The following MIA2 variants were observed in gnomAD, a reference collection of about 807,000 sequenced individuals.
MIA2 encodes the protein melanoma inhibitory activity protein 2.
MIA2 carries 127 observed loss-of-function variants against 167.8 expected under a neutral mutation model. That is an observed-to-expected ratio of 0.76 (90% CI 0.66 to 0.88). The LOEUF (loss-of-function observed/expected upper bound fraction) is 0.88. Ranked by LOEUF, MIA2 falls within the 40% of genes least tolerant of loss-of-function variation. The pLI, the probability that MIA2 is intolerant of heterozygous loss-of-function variation, is 0.00. For synonymous variants in MIA2, 552 were observed against 541.9 expected (o/e 1.02, Z -0.26); for missense variants, 1,690 against 1,624.7 (o/e 1.04, Z -0.69).
At chr14:39,384,972 T>G (rs1446450814) in intron 23 of MIA2, among the ~76,000 whole-genome samples, 1 of 152,216 alleles carries the variant, frequency 6.6e-6, no homozygotes, top group Non-Finnish European at 1.5e-5. Flanking sequence ...ATGCTCCATT[T>G]AATGGAACAA....
intron 6 of MIA2, among the ~76,000 whole-genome samples, chr14:39,269,485 G>A (rs2056733167): frequency 6.6e-6 from 1 of 151,130 alleles, no homozygotes; most frequent in South Asian, 2.1e-4. Flanking sequence ...GCTTATCCAT[G>A]TTGTAGCATG....
intron 24 of MIA2, among the ~76,000 whole-genome samples, chr14:39,323,225 C>G (rs777838752): frequency 6.6e-6 from 1 of 152,046 alleles, no homozygotes; most frequent in Non-Finnish European, 1.5e-5. Context: ...TAGAACTGTT[C>G]CTGTCCACCT....
Position 39,385,556 on chromosome 14 carries a change from C to T in MIA2, c.2249-1329C>T, listed in dbSNP as rs183899126. The T allele has an allele frequency of 9.2e-4, 754 of 822,254 alleles. 2 individuals are homozygous for T. In the Middle Eastern group the frequency reaches 9.5e-3, roughly 10 times the overall value. 50.9% of individuals were successfully genotyped at this position (822,254 alleles called of 1,614,324 possible). A position where few individuals can be genotyped will look rare whatever the true frequency, so the allele number is the denominator to read the frequency against. ...TTGTGATAAACCAAATCAAATTTCC[C>T]AGGTTCTCTCAAGGCGGGTAAGGAT... On this transcript the variant is annotated intron_variant, in intron 23 of 23. Transcript: ENST00000341502.
At chr14:39,314,634 A>ATTT in intron 19 of MIA2, 105 bp from the exon 20 acceptor site, 3 of 269,060 alleles carry the variant, frequency 1.1e-5, no homozygotes, top group Non-Finnish European at 1.3e-5. Flanking sequence ...TTTTTTCATG[A>ATTT]AGTAGAGCAT....
chr14:39,334,401 G>C (rs995164983), intron 25 of MIA2, among the ~76,000 whole-genome samples: 2 of 150,786 alleles, frequency 1.3e-5, no homozygotes, highest in African/African-American at 4.9e-5. Context: ...CTTGAACCTG[G>C]GAGACAGAGG....
chr14:39,283,847 A>G (rs750358995), intron 9 of MIA2, among the ~76,000 whole-genome samples: 33 of 152,166 alleles, frequency 2.2e-4, no homozygotes, highest in Non-Finnish European at 3.2e-4. Context: ...TTTTTAAATC[A>G]GGTTGTATGT....
intron 9 of MIA2, among the ~76,000 whole-genome samples, chr14:39,285,163 C>T (rs963625077): frequency 1.6e-4 from 25 of 152,220 alleles, no homozygotes; most frequent in Non-Finnish European, 2.9e-4. Flanking sequence ...TCTACACATA[C>T]ACAGCAACAA....
chr14:39,336,057 C>A (rs114085176), intron 25 of MIA2, among the ~76,000 whole-genome samples: 1 of 152,086 alleles, frequency 6.6e-6, no homozygotes, highest in Admixed American at 6.6e-5. Context: ...AATAGTGTTA[C>A]GATAAACATG....
intron 3 of MIA2, 24 bp downstream of exon 3, chr14:39,240,671 T>G (rs776829441): frequency 5.2e-6 from 8 of 1,540,306 alleles, no homozygotes; most frequent in Non-Finnish European, 5.4e-6. Context: ...TTCTCAGTTG[T>G]TAATTGAATT....
chr14:39,269,018 T>C, intron 6 of MIA2: 3 of 982,242 alleles, frequency 3.1e-6, no homozygotes, highest in Non-Finnish European at 3.6e-6. Flanking sequence ...CATGGAGAAA[T>C]GCAGCCAGAT....
intron 25 of MIA2, among the ~76,000 whole-genome samples, chr14:39,328,483 G>A (rs2068050471): frequency 6.6e-6 from 1 of 152,148 alleles, no homozygotes; most frequent in Admixed American, 6.5e-5. Flanking sequence ...TATCTCATGT[G>A]TCAATTTTGG....
At chr14:39,347,145 G>C (rs893962041) in intron 26 of MIA2, among the ~76,000 whole-genome samples, 3 of 152,114 alleles carry the variant, frequency 2.0e-5, no homozygotes, top group Admixed American at 1.3e-4. Flanking sequence ...AGTTGGGGAA[G>C]GAAGTGAGGG....
chr14:39,375,353 C>T (rs1158149951), intron 23 of MIA2, among the ~76,000 whole-genome samples: 1 of 152,134 alleles, frequency 6.6e-6, no homozygotes, highest in African/African-American at 2.4e-5. Flanking sequence ...TTAAATTCAG[C>T]CTGAAATGGT....
chr14:39,346,714 A>T (rs955205239), intron 26 of MIA2, among the ~76,000 whole-genome samples: 2 of 149,080 alleles, frequency 1.3e-5, no homozygotes, highest in Non-Finnish European at 3.0e-5. Flanking sequence ...AAAAATATTG[A>T]TTTTCTGACA....
chr14:39,281,952 A>G (rs1285152696), intron 9 of MIA2, among the ~76,000 whole-genome samples: 1 of 151,842 alleles, frequency 6.6e-6, no homozygotes, highest in Non-Finnish European at 1.5e-5. Context: ...TTTATGTGTT[A>G]TTTTTATTTT....
At chr14:39,358,832 G>C (rs2074601194) in intron 23 of MIA2, among the ~76,000 whole-genome samples, 1 of 152,220 alleles carries the variant, frequency 6.6e-6, no homozygotes, top group Admixed American at 6.5e-5. Context: ...GACCCTGTTT[G>C]CCTGGGTATC....
chr14:39,238,811 A>AAAAAAAAC, intron 2 of MIA2, among the ~76,000 whole-genome samples: 10 of 103,634 alleles, frequency 9.6e-5, no homozygotes, highest in African/African-American at 2.3e-4. Context: ...AAAAAAAAAA[A>AAAAAAAAC]CCCAAAAAAC....
intron 9 of MIA2, among the ~76,000 whole-genome samples, chr14:39,288,463 A>G (rs1284796022): frequency 0.015 from 463 of 29,904 alleles, 65 homozygotes; most frequent in African/African-American, 0.049. Flanking sequence ...ATATATATAT[A>G]TATATATATA....
chr14:39,342,361 A>G (rs1595840642), intron 25 of MIA2, among the ~76,000 whole-genome samples: 2 of 152,252 alleles, frequency 1.3e-5, no homozygotes, highest in South Asian at 4.2e-4. Flanking sequence ...TTATGGCTGC[A>G]TAGTATTCCA....
Sources: allele counts gnomAD v4.1 joint callset (sites outside exome capture counted in the v4.1 genomes callset), GRCh38; gene constraint gnomAD v4.1.1; transcripts MANE v1.5; gene names NCBI Gene and HGNC (gene_info 2026-07-23, HGNC 2026-07-21).